Variants in CFAP299 observed in about 807,000 individuals in gnomAD.
CFAP299 encodes the protein cilia- and flagella-associated protein 299.
In CFAP299, 21 loss-of-function variants were observed where a neutral mutation model predicts 27.0. That is an observed-to-expected ratio of 0.78 (90% CI 0.55 to 1.12). The LOEUF (loss-of-function observed/expected upper bound fraction) is 1.12, where lower values mean the gene tolerates loss of function less well. CFAP299 is among the 50% of genes most tolerant of loss of function. The pLI is 0.00. For synonymous variants in CFAP299, 104 were observed against 98.1 expected, an observed-to-expected ratio of 1.06 and a Z score of -0.36; for missense variants, 310 against 276.6, an observed-to-expected ratio of 1.12 and a Z score of -0.86.
chr4:80,928,254 C>A (rs778757664), intron 4 of CFAP299, among the ~76,000 whole-genome samples: 1 of 152,106 alleles, frequency 6.6e-6, no homozygotes, highest in Admixed American at 6.6e-5. Context: ...ACAGGCACAG[C>A]CACAGTGTCT....
At chr4:80,925,470 G>T (rs1031325193) in intron 4 of CFAP299, among the ~76,000 whole-genome samples, 2 of 151,944 alleles carry the variant, frequency 1.3e-5, no homozygotes, top group African/African-American at 2.4e-5. Context: ...AGCAAAAAAA[G>T]ATTGCTGAGT....
chr4:80,936,568 T>C (rs1736900659), intron 4 of CFAP299, among the ~76,000 whole-genome samples: 1 of 152,052 alleles, frequency 6.6e-6, no homozygotes. Context: ...TTTTCACTTA[T>C]AATTTGGAGC....
At chr4:80,455,155 A>C (rs1729083362) in intron 2 of CFAP299, among the ~76,000 whole-genome samples, 1 of 152,198 alleles carries the variant, frequency 6.6e-6, no homozygotes, top group African/African-American at 2.4e-5. Context: ...CTTCTGGCTA[A>C]TTTCTTAGGC....
chr4:80,326,098 T>C, the CFAP299 span, among the ~76,000 whole-genome samples: 1 of 152,240 alleles, frequency 6.6e-6, no homozygotes, highest in Admixed American at 6.5e-5. Flanking sequence ...CTGTCGATAT[T>C]AGATCCTGGA....
At chr4:80,962,801 T>C (rs1738410872) in intron 5 of CFAP299, among the ~76,000 whole-genome samples, 1 of 151,976 alleles carries the variant, frequency 6.6e-6, no homozygotes, top group Non-Finnish European at 1.5e-5. Flanking sequence ...GCCTAGTAAC[T>C]AAAATTTTCT....
intron 4 of CFAP299, among the ~76,000 whole-genome samples, chr4:80,905,268 G>A (rs1735124863): frequency 6.6e-5 from 10 of 152,152 alleles, no homozygotes; most frequent in Admixed American, 6.6e-4. Flanking sequence ...AGTCCATCAA[G>A]TTAATGGTCA....
intron 3 of CFAP299, among the ~76,000 whole-genome samples, chr4:80,617,690 C>G (rs1456966846): frequency 6.6e-6 from 1 of 152,116 alleles, no homozygotes; most frequent in African/African-American, 2.4e-5. Context: ...AAGTGCCCAT[C>G]ATAATGATAA....
At position 80,760,715 on chromosome 4, in the gene CFAP299, T is replaced by C. The variant is rs561707933; in HGVS notation, c.334-109278T>C. ...ATCTCTTTTCCTCAAAGTTCAAATT[T>C]TTTCAAGAACACAAATATAAGAAAC... On this transcript the variant is annotated intron_variant, in intron 3 of 5. Transcript: ENST00000358105. Among the ~76,000 whole-genome samples, 41 of 152,292 alleles carry C rather than the reference T, an allele frequency of 2.7e-4. 1 individual carries two copies. The highest frequency in any genetic ancestry group is 7.4e-5 in the Non-Finnish European group (5 of 68,022).
chr4:80,801,914 AT>A (rs1244526271), intron 3 of CFAP299, among the ~76,000 whole-genome samples: 1 of 152,008 alleles, frequency 6.6e-6, no homozygotes, highest in Non-Finnish European at 1.5e-5. Flanking sequence ...TTTTTTATTT[AT>A]TTTCAACTAA....
intron 2 of CFAP299, among the ~76,000 whole-genome samples, chr4:80,494,992 T>G (rs1731361981): frequency 6.6e-6 from 1 of 152,242 alleles, no homozygotes; most frequent in Admixed American, 6.5e-5. Flanking sequence ...TTAATTCCAG[T>G]ATCTGAATTT....
rs534259171 is a variant in CFAP299 at position 80,425,941 on chromosome 4, G to C, written c.242+63057G>C. ...GATGAAAGCCCATCTCACCAGAAAT[G>C]CTTCAAATATGCATATGTATGTGTT... On this transcript the variant is annotated intron_variant, in intron 2 of 5. Coordinates refer to ENST00000358105, the MANE Select transcript of CFAP299 (RefSeq NM_152770.3). Among the ~76,000 whole-genome samples, 70 of 152,218 alleles carry C rather than the reference G, an allele frequency of 4.6e-4. 1 individual carries two copies. The highest frequency in any genetic ancestry group is 1.6e-3 in the African/African-American group (68 of 41,540).
chr4:80,446,122 A>C (rs1728603174), intron 2 of CFAP299, among the ~76,000 whole-genome samples: 1 of 152,310 alleles, frequency 6.6e-6, no homozygotes, highest in Admixed American at 6.5e-5. Flanking sequence ...GAGGAAGAAG[A>C]GAGAGGAAGG....
At chr4:80,625,031 G>A (rs977631335) in intron 3 of CFAP299, among the ~76,000 whole-genome samples, 10 of 152,046 alleles carry the variant, frequency 6.6e-5, no homozygotes, top group African/African-American at 1.2e-4. Flanking sequence ...AATAAGTCAC[G>A]TGAAAACACC....
intron 4 of CFAP299, among the ~76,000 whole-genome samples, chr4:80,906,713 T>C (rs1392001853): frequency 6.6e-6 from 1 of 152,260 alleles, no homozygotes. Context: ...GCCCAGGCTG[T>C]ACCTTGACCC....
intron 3 of CFAP299, among the ~76,000 whole-genome samples, chr4:80,712,277 T>C (rs559750435): frequency 9.2e-5 from 14 of 152,266 alleles, no homozygotes; most frequent in Non-Finnish European, 1.3e-4. Context: ...TGAATTACAA[T>C]TGTAGCATAC....
intron 3 of CFAP299, among the ~76,000 whole-genome samples, chr4:80,834,725 G>A (rs750199725): frequency 6.6e-5 from 10 of 152,140 alleles, no homozygotes; most frequent in Admixed American, 1.3e-4. Context: ...TCGGCGGACA[G>A]GGCAGTTCTT....
chr4:80,838,865 T>C (rs1015902727), intron 3 of CFAP299, among the ~76,000 whole-genome samples: 1 of 152,130 alleles, frequency 6.6e-6, no homozygotes, highest in Non-Finnish European at 1.5e-5. Flanking sequence ...AAGCAGGAAC[T>C]CTTATCTGCT....
At position 80,856,296 on chromosome 4, in the gene CFAP299, G is replaced by C. The variant is rs894225815; in HGVS notation, c.334-13697G>C. On this transcript the variant is annotated intron_variant, in intron 3 of 5. Coordinates refer to ENST00000358105, the MANE Select transcript of CFAP299 (RefSeq NM_152770.3). Reference sequence around the variant, plus strand: ...TTGTTTGAGTTCAGTGTAGATTCTGGATATTAGCCCTTTGTCAGATGAGTA... The same window carrying C: ...TTGTTTGAGTTCAGTGTAGATTCTGCATATTAGCCCTTTGTCAGATGAGTA... Among the ~76,000 whole-genome samples, 16 of 145,898 alleles carry C rather than the reference G, an allele frequency of 1.1e-4. No individual in the cohort carries two copies. In the East Asian group the frequency reaches 1.4e-3, roughly 13 times the overall value.
chr4:80,914,008 C>T (rs975772478), intron 4 of CFAP299, among the ~76,000 whole-genome samples: 4 of 152,194 alleles, frequency 2.6e-5, no homozygotes, highest in South Asian at 2.1e-4. Context: ...GTCATCCATG[C>T]GTTCTATTTA....
Sources: gnomAD v4.1 joint callset for allele counts (sites outside exome capture counted in the v4.1 genomes callset) on GRCh38, gnomAD v4.1.1 for gene constraint, MANE v1.5 for transcripts, NCBI Gene and HGNC (gene_info 2026-07-23, HGNC 2026-07-21) for gene names.